DCBLD1: variants seen among roughly 807,000 people sequenced by gnomAD.
The protein encoded by DCBLD1 is discoidin, CUB and LCCL domain-containing protein 1.
A neutral mutation model predicts 71.5 loss-of-function variants in DCBLD1; 57 were observed. The ratio of observed to expected loss-of-function variants is 0.80; its 90% confidence interval spans 0.64 to 0.99. The LOEUF is 0.99. Among genes scored for constraint, DCBLD1 ranks in the 50% least tolerant of loss-of-function variants. The probability of loss-of-function intolerance (pLI) is 0.00; values close to 1 mark genes in which losing one functional copy is unlikely to be tolerated. For missense variants in DCBLD1, 891 were observed against 923.5 expected (o/e 0.96, Z 0.46); for synonymous variants, 380 against 363.8 (o/e 1.04, Z -0.51).
downstream of DCBLD1, among the ~76,000 whole-genome samples, chr6:117,550,852 A>G (rs890621793): frequency 6.6e-6 from 1 of 152,182 alleles, no homozygotes; most frequent in African/African-American, 2.4e-5. Context: ...AGGTTCTGAG[A>G]GCAGTGTTTA....
At chr6:117,542,634 G>A (rs563233541) in intron 11 of DCBLD1, among the ~76,000 whole-genome samples, 9 of 152,236 alleles carry the variant, frequency 5.9e-5, no homozygotes, top group East Asian at 3.9e-4. Flanking sequence ...CTCTCAGTCC[G>A]CAGCCCCAGA....
chr6:117,528,998 G>C (rs572820513), intron 5 of DCBLD1, among the ~76,000 whole-genome samples: 2 of 152,188 alleles, frequency 1.3e-5, no homozygotes, highest in Admixed American at 1.3e-4. Flanking sequence ...CTGCCACCAT[G>C]CCCGGCTAAT....
chr6:117,483,001 G>T (rs540594502), intron 1 of DCBLD1, 108 bp downstream of exon 1: 2 of 1,001,812 alleles, frequency 2.0e-6, no homozygotes, highest in South Asian at 9.3e-5. Context: ...GGCCGGGCCT[G>T]GGGGGACGGA....
In DCBLD1 at chr6:117,549,082, A is replaced by C. The variant is rs1779374832; in HGVS notation, c.*643A>C. The C allele has an allele frequency of 1.0e-6, 1 of 985,854 alleles. No individual in the cohort carries two copies. The highest frequency in any genetic ancestry group is 1.2e-6 in the Non-Finnish European group (1 of 830,382). The allele number at this position is 985,854 out of a possible 1,614,324, so 61.1% of individuals were successfully genotyped here. A position where few individuals can be genotyped will look rare whatever the true frequency, so the allele number is the denominator to read the frequency against. ...ATGACTGTAGATTTAAAAACAAGCA[A>C]AGAAACAACACCTCAGCAGCTGCCC... On this transcript the variant is annotated 3_prime_UTR_variant, in exon 15 of 15. Transcript: ENST00000338728.
At chr6:117,563,940 G>GT in intron 14 of DCBLD1, among the ~76,000 whole-genome samples, 1 of 148,220 alleles carries the variant, frequency 6.7e-6, no homozygotes, top group East Asian at 2.0e-4. Context: ...TGTAAAAATT[G>GT]TATTAAGTTT....
intron 1 of DCBLD1, among the ~76,000 whole-genome samples, chr6:117,483,680 A>G (rs1011699012): frequency 4.1e-5 from 6 of 147,744 alleles, no homozygotes; most frequent in Admixed American, 2.7e-4. Context: ...TCCCTATTTC[A>G]TTCGTCCTCA....
At chr6:117,482,946 T>A in intron 1 of DCBLD1, 53 bp downstream of exon 1, 2 of 1,135,066 alleles carry the variant, frequency 1.8e-6, no homozygotes, top group Non-Finnish European at 2.2e-6. Context: ...AGGGGCGGGC[T>A]GAGGGCTGCG....
intron 11 of DCBLD1, among the ~76,000 whole-genome samples, chr6:117,542,239 C>A (rs1779120842): frequency 2.0e-5 from 3 of 151,410 alleles, no homozygotes; most frequent in African/African-American, 7.3e-5. Flanking sequence ...GTTGCCCAAG[C>A]CGAGATCACA....
chr6:117,543,165 G>A lies in DCBLD1; in HGVS notation c.1399G>A (p.Val467Ile), dbSNP rs755435759. The change falls in exon 12 of 15, where the codon GTT (valine) becomes ATT (isoleucine). Residue 467 changes from valine to isoleucine, a missense_variant. By Grantham distance (29) the Val-to-Ile change is conservative. Transcript: ENST00000338728. Reference protein sequence around the residue: ...TTVAIPLVLLVVLVFAGMGIF... With the variant: ...TTVAIPLVLLIVLVFAGMGIF... ...GGTGGCTATTCCATTGGTGCTCCTTGTTGTCCTGGTGTTTGCTGGAATGGG... is the reference window on the plus strand; with the variant it reads ...GGTGGCTATTCCATTGGTGCTCCTTATTGTCCTGGTGTTTGCTGGAATGGG... The A allele has an allele frequency of 6.2e-7, 1 of 1,614,102 alleles. No individual in the cohort carries two copies. Among genetic ancestry groups the A allele is most frequent in the Non-Finnish European group, 8.5e-7 (1 of 1,180,008 alleles).
chr6:117,504,181 G>T (rs959071993), intron 2 of DCBLD1, among the ~76,000 whole-genome samples: 8 of 152,200 alleles, frequency 5.3e-5, no homozygotes, highest in Non-Finnish European at 1.0e-4. Flanking sequence ...TGTGAGCCTT[G>T]TGTGTGTGTC....
At chr6:117,568,338 T>G (rs1779740572) in intron 14 of DCBLD1, among the ~76,000 whole-genome samples, 2 of 152,214 alleles carry the variant, frequency 1.3e-5, no homozygotes, top group African/African-American at 4.8e-5. Flanking sequence ...TTGCCTTTGC[T>G]CAAAAGAAAA....
In DCBLD1 at chr6:117,548,767, A is replaced by C; in HGVS notation, c.*328A>C. On this transcript the variant is annotated 3_prime_UTR_variant, in exon 15 of 15. Transcript: ENST00000338728. ...TAATGTGTACAGAGTTGTATTTAACAATAATAAAAGTAACTTAAGTTTGCT... is the reference window on the plus strand; with the variant it reads ...TAATGTGTACAGAGTTGTATTTAACCATAATAAAAGTAACTTAAGTTTGCT... The C allele has an allele frequency of 8.6e-7, 1 of 1,161,484 alleles. No homozygotes were observed. The highest frequency in any genetic ancestry group is 1.1e-6 in the Non-Finnish European group (1 of 941,740). 71.9% of individuals were successfully genotyped at this position (1,161,484 alleles called of 1,614,324 possible). A position where few individuals can be genotyped will look rare whatever the true frequency, so the allele number is the denominator to read the frequency against.
intron 1 of DCBLD1, among the ~76,000 whole-genome samples, chr6:117,500,089 T>C (rs895144747): frequency 6.6e-6 from 1 of 152,246 alleles, no homozygotes; most frequent in Non-Finnish European, 1.5e-5. Flanking sequence ...CACATGACAT[T>C]GTAGGCATTT....
In DCBLD1 at chr6:117,567,287, T is replaced by A. The variant is rs938132241; in HGVS notation, c.1616-2333T>A. The stretch of plus-strand genomic sequence containing the variant: ...CTACTGACCATAGTCTTTTTGCTAA[T>A]AGATCTAAAATTTAAGAGGATGCTT... On this transcript the variant is annotated intron_variant, in intron 14 of 14. Coordinates refer to the DCBLD1 transcript ENST00000296955. Among the ~76,000 whole-genome samples the A allele has an allele frequency of 7.2e-5, 11 of 152,210 alleles. 1 individual carries two copies. The highest frequency in any genetic ancestry group is 7.2e-4 in the Admixed American group (11 of 15,286).
chr6:117,512,692 AGGTCAATCAG>A (rs1161847226), intron 2 of DCBLD1, among the ~76,000 whole-genome samples: 1 of 152,116 alleles, frequency 6.6e-6, no homozygotes, highest in African/African-American at 2.4e-5. Flanking sequence ...AGGGTCACTT[AGGTCAATCAG>A]GCATGTTCTT....
intron 4 of DCBLD1, among the ~76,000 whole-genome samples, chr6:117,522,080 C>G (rs747148631): frequency 3.2e-4 from 49 of 152,032 alleles, no homozygotes; most frequent in Non-Finnish European, 6.6e-4. Context: ...TTGTCTTTAC[C>G]ACTAGAGAAA....
rs548449643 is a variant in DCBLD1 at position 117,549,017 on chromosome 6, G to T, written c.*578G>T. On this transcript the variant is annotated 3_prime_UTR_variant, in exon 15 of 15. Transcript: ENST00000338728. ...TCCTGGAAGAAATGAATTACTTGAA[G>T]CATGAAAAGCACACCAGGGTGGTTG... 6.9e-4 allele frequency: 684 copies of T among 987,034 alleles called. No individual in the cohort carries two copies. The highest frequency in any genetic ancestry group is 6.8e-4 in the Non-Finnish European group (565 of 831,104). The allele number at this position is 987,034 out of a possible 1,614,324, so 61.1% of individuals were successfully genotyped here.
intron 7 of DCBLD1, among the ~76,000 whole-genome samples, chr6:117,537,509 G>A (rs1394215776): frequency 2.7e-5 from 4 of 150,624 alleles, no homozygotes; most frequent in Non-Finnish European, 5.9e-5. Context: ...ACTCCAGCCT[G>A]GGTAACAGAG....
chr6:117,553,878 C>G (rs1255193211), downstream of DCBLD1, among the ~76,000 whole-genome samples: 1 of 152,082 alleles, frequency 6.6e-6, no homozygotes, highest in South Asian at 2.1e-4. Flanking sequence ...GGCTTAGACT[C>G]CCTGGGCTCA....
Sources: allele counts gnomAD v4.1 joint callset (sites outside exome capture counted in the v4.1 genomes callset), GRCh38; gene constraint gnomAD v4.1.1; transcripts MANE v1.5; gene names NCBI Gene and HGNC (gene_info 2026-07-23, HGNC 2026-07-21).